GRID2: variants seen among roughly 807,000 people sequenced by gnomAD.
The protein encoded by GRID2 is glutamate receptor ionotropic, delta-2.
In GRID2, 33 loss-of-function variants were observed where a neutral mutation model predicts 114.8. That is an observed-to-expected ratio of 0.29 (90% CI 0.22 to 0.38). GRID2 has a LOEUF of 0.38. Ranked by LOEUF, GRID2 falls within the 10% of genes least tolerant of loss-of-function variation. The pLI is 1.00. For missense variants in GRID2, 1,184 were observed against 1,257.7 expected (o/e 0.94, Z 0.89); for synonymous variants, 505 against 449.9 (o/e 1.12, Z -1.55).
intron 13 of GRID2, among the ~76,000 whole-genome samples, chr4:93,608,237 A>G (rs1740492912): frequency 6.9e-6 from 1 of 145,810 alleles, no homozygotes; most frequent in African/African-American, 2.5e-5. Context: ...GGTTTTTCTT[A>G]TAGGGATTTT....
intron 14 of GRID2, among the ~76,000 whole-genome samples, chr4:93,692,681 A>C (rs1234918592): frequency 1.3e-5 from 2 of 152,200 alleles, no homozygotes; most frequent in Non-Finnish European, 2.9e-5. Flanking sequence ...AAGGTAAGAC[A>C]GGTTCTATCC....
rs188598183 is a variant in GRID2, at chr4:93,195,370, A to C, written c.736-12034A>C. 3.3e-5 allele frequency among the ~76,000 whole-genome samples: 5 copies of C among 152,304 alleles called. No homozygotes were observed. The East Asian group carries it at 9.7e-4, about 29-fold the overall frequency. On this transcript the variant is annotated intron_variant, in intron 4 of 15. Transcript: ENST00000282020. ...GGGCAAATAGGTCTCAATCCTGTGGAGAACCATCTGAGAAAGCATGTGTGG... is the reference window on the plus strand; with the variant it reads ...GGGCAAATAGGTCTCAATCCTGTGGCGAACCATCTGAGAAAGCATGTGTGG...
At chr4:92,680,603 A>G (rs1485986300) in intron 2 of GRID2, among the ~76,000 whole-genome samples, 2 of 152,206 alleles carry the variant, frequency 1.3e-5, no homozygotes, top group Non-Finnish European at 2.9e-5. Flanking sequence ...AAGGCAACTA[A>G]GTAGATGAAC....
At chr4:92,569,551 G>C (rs1042341043) in intron 1 of GRID2, among the ~76,000 whole-genome samples, 1 of 152,048 alleles carries the variant, frequency 6.6e-6, no homozygotes, top group African/African-American at 2.4e-5. Flanking sequence ...TCACCACATT[G>C]TCTTCCACAA....
chr4:93,392,329 A>G (rs1389539095), intron 8 of GRID2, among the ~76,000 whole-genome samples: 3 of 152,164 alleles, frequency 2.0e-5, no homozygotes, highest in Non-Finnish European at 4.4e-5. Context: ...GAATTCAGAC[A>G]TCGAAACCAG....
chr4:92,924,293 A>G (rs188293573), intron 2 of GRID2, among the ~76,000 whole-genome samples: 1 of 152,096 alleles, frequency 6.6e-6, no homozygotes, highest in African/African-American at 2.4e-5. Flanking sequence ...AGAAATAGCT[A>G]ATGTTAAATG....
chr4:93,190,123 C>G (rs1740843901), intron 4 of GRID2, among the ~76,000 whole-genome samples: 1 of 151,986 alleles, frequency 6.6e-6, no homozygotes, highest in Non-Finnish European at 1.5e-5. Context: ...ATATTTATGT[C>G]ATAATTTGTT....
chr4:93,316,296 GAAAGAAAGAAAGAA>G (rs1756603025), intron 8 of GRID2, among the ~76,000 whole-genome samples: 1 of 36,394 alleles, frequency 2.7e-5, no homozygotes, highest in African/African-American at 1.3e-4. Flanking sequence ...AAGAACGAAA[GAAAGAAAGAAAGAA>G]AGAAAGAAAG....
intron 2 of GRID2, among the ~76,000 whole-genome samples, chr4:92,773,906 A>AAT (rs1553926013): frequency 6.6e-6 from 1 of 152,146 alleles, no homozygotes. Context: ...ATGCATTAAA[A>AAT]ATATATATAT....
intron 8 of GRID2, among the ~76,000 whole-genome samples, chr4:93,290,240 G>A (rs1051729512): frequency 3.3e-5 from 5 of 152,196 alleles, no homozygotes; most frequent in African/African-American, 1.2e-4. Flanking sequence ...GTTCGGTTTA[G>A]TAGGAGCAAT....
intron 13 of GRID2, among the ~76,000 whole-genome samples, chr4:93,585,196 A>G (rs922362146): frequency 5.3e-5 from 8 of 152,108 alleles, no homozygotes; most frequent in African/African-American, 1.9e-4. Flanking sequence ...TCAGGATCAT[A>G]CTGGCAAACC....
chr4:92,509,242 GTTTAC>G (rs943911348), intron 1 of GRID2, among the ~76,000 whole-genome samples: 2 of 151,832 alleles, frequency 1.3e-5, no homozygotes, highest in Non-Finnish European at 2.9e-5. Flanking sequence ...ATAACCATTA[GTTTAC>G]TTGTTTGTAT....
chr4:92,438,999 G>T (rs927259669), intron 1 of GRID2, among the ~76,000 whole-genome samples: 1 of 152,168 alleles, frequency 6.6e-6, no homozygotes, highest in Non-Finnish European at 1.5e-5. Flanking sequence ...ATTTGTGTGA[G>T]CAACATGGCT....
chr4:93,664,725 G>T (rs1227382824), intron 14 of GRID2, among the ~76,000 whole-genome samples: 1 of 152,120 alleles, frequency 6.6e-6, no homozygotes, highest in Non-Finnish European at 1.5e-5. Context: ...ATTTCAGCTG[G>T]ACCTGCCTTT....
At chr4:92,600,693 C>T (rs1579659556) in intron 2 of GRID2, among the ~76,000 whole-genome samples, 1 of 152,298 alleles carries the variant, frequency 6.6e-6, no homozygotes, top group East Asian at 1.9e-4. Context: ...TCACTTGGGC[C>T]CCTCCCATAC....
intron 2 of GRID2, among the ~76,000 whole-genome samples, chr4:92,741,485 C>T (rs1022016947): frequency 5.9e-5 from 9 of 152,172 alleles, no homozygotes; most frequent in African/African-American, 2.2e-4. Context: ...TGAAATCCTA[C>T]ATGCCATCCA....
intron 1 of GRID2, among the ~76,000 whole-genome samples, chr4:92,582,787 A>G (rs1187806015): frequency 6.6e-6 from 1 of 151,914 alleles, no homozygotes; most frequent in Admixed American, 6.6e-5. Flanking sequence ...GAAGTTCGAG[A>G]TAAGCCTGGG....
intron 2 of GRID2, among the ~76,000 whole-genome samples, chr4:92,773,545 C>G (rs1164778057): frequency 6.6e-6 from 1 of 152,040 alleles, no homozygotes; most frequent in African/African-American, 2.4e-5. Context: ...GAAAGTCTTT[C>G]TACCTTCTTT....
chr4:92,893,356 C>T (rs748289072), intron 2 of GRID2, among the ~76,000 whole-genome samples: 5 of 152,042 alleles, frequency 3.3e-5, no homozygotes, highest in Non-Finnish European at 5.9e-5. Flanking sequence ...CTCTTTATTC[C>T]ATATTGGTTA....
Sources: allele counts gnomAD v4.1 joint callset (sites outside exome capture counted in the v4.1 genomes callset), GRCh38; gene constraint gnomAD v4.1.1; transcripts MANE v1.5; gene names NCBI Gene and HGNC (gene_info 2026-07-23, HGNC 2026-07-21).